The following TBC1D1 variants were observed in gnomAD, a reference collection of about 807,000 sequenced individuals.
TBC1D1 encodes the protein TBC1 domain family member 1.
TBC1D1 carries 89 observed loss-of-function variants against 125.6 expected under a neutral mutation model. That is an observed-to-expected ratio of 0.71 (90% CI 0.60 to 0.85). TBC1D1 has a LOEUF of 0.85. TBC1D1 is among the 40% of genes least tolerant of loss of function. TBC1D1 has a pLI of 0.00. For missense variants in TBC1D1, 1,377 were observed against 1,469.2 expected (o/e 0.94, Z 1.03); for synonymous variants, 565 against 564.1 (o/e 1.00, Z -0.02).
intron 18 of TBC1D1, among the ~76,000 whole-genome samples, chr4:38,127,229 G>A (rs764483515): frequency 6.6e-6 from 1 of 152,108 alleles, no homozygotes; most frequent in East Asian, 1.9e-4. Flanking sequence ...AAAATAAAAC[G>A]TATTGAGAAT....
intron 6 of TBC1D1, among the ~76,000 whole-genome samples, chr4:38,022,224 A>G (rs1744197018): frequency 6.6e-6 from 1 of 152,182 alleles, no homozygotes; most frequent in South Asian, 2.1e-4. Context: ...AGTATTGACC[A>G]GTATTTCTAG....
intron 8 of TBC1D1, among the ~76,000 whole-genome samples, chr4:38,038,870 C>T (rs1021700532): frequency 6.6e-5 from 10 of 151,088 alleles, no homozygotes; most frequent in African/African-American, 1.2e-4. Flanking sequence ...GGCATGAACC[C>T]GGGAAGCGGA....
In TBC1D1 at chr4:38,014,030, A is replaced by C. The variant is rs1742076349; in HGVS notation, c.418-479A>C. Among the ~76,000 whole-genome samples the C allele has an allele frequency of 6.6e-6, 1 of 152,234 alleles. No homozygotes were observed. Among genetic ancestry groups the C allele is most frequent in the Non-Finnish European group, 1.5e-5 (1 of 68,048 alleles). On this transcript the variant is annotated intron_variant, in intron 2 of 19. Coordinates refer to ENST00000261439, the MANE Select transcript of TBC1D1 (RefSeq NM_015173.4). The surrounding 1 kb of genome is among the most constrained non-coding windows in gnomAD (Gnocchi z 5.1). ...TCTTCATCCCACCATTTATTAAAGAAGACTTTCCAAAGTATACTGCCATGA... is the reference window on the plus strand; with the variant it reads ...TCTTCATCCCACCATTTATTAAAGACGACTTTCCAAAGTATACTGCCATGA...
chr4:38,039,104 CTTTTTTTT>C (rs776941680), intron 8 of TBC1D1, among the ~76,000 whole-genome samples: 372 of 51,404 alleles, frequency 7.2e-3, no homozygotes, highest in Non-Finnish European at 0.011. Context: ...GCATCATACT[CTTTTTTTT>C]TTTTTTTTTT....
At chr4:37,910,439 G>T (rs1718340324) in intron 2 of TBC1D1, among the ~76,000 whole-genome samples, 1 of 152,110 alleles carries the variant, frequency 6.6e-6, no homozygotes, top group Non-Finnish European at 1.5e-5. Context: ...TTTTTATAAT[G>T]ATTACATGTT....
chr4:38,089,894 G>A (rs1312592231), intron 12 of TBC1D1, 38 bp from the exon 15 acceptor site: 2 of 1,527,698 alleles, frequency 1.3e-6, no homozygotes, highest in Admixed American at 4.6e-5. Context: ...ATTTTTTGTT[G>A]AAAAATGACA....
At chr4:38,117,933 C>A in intron 16 of TBC1D1, 100 bp from the exon 19 acceptor site, 1 of 1,067,034 alleles carries the variant, frequency 9.4e-7, no homozygotes. Flanking sequence ...GTTTAAAGTT[C>A]TAGTAAGTCT....
intron 2 of TBC1D1, among the ~76,000 whole-genome samples, chr4:37,994,008 G>C (rs530902815): frequency 2.0e-5 from 3 of 152,344 alleles, no homozygotes; most frequent in South Asian, 2.1e-4. Context: ...ATCTGATCTC[G>C]TGAAAATGAA....
intron 2 of TBC1D1, among the ~76,000 whole-genome samples, chr4:37,929,453 T>C (rs58503141): frequency 0.1 from 15,283 of 152,220 alleles, 989 homozygotes; most frequent in Admixed American, 0.18. Flanking sequence ...AGAATGCAAG[T>C]TCCTTAACCC....
intron 14 of TBC1D1, among the ~76,000 whole-genome samples, chr4:38,102,215 C>T (rs1422304092): frequency 6.6e-6 from 1 of 151,220 alleles, no homozygotes; most frequent in African/African-American, 2.5e-5. Flanking sequence ...GCACGTTGTG[C>T]ACATGTACCC....
At chr4:37,897,601 G>A (rs2152213404) in intron 1 of TBC1D1, among the ~76,000 whole-genome samples, 1 of 152,320 alleles carries the variant, frequency 6.6e-6, no homozygotes, top group East Asian at 1.9e-4. Flanking sequence ...TTAAATGACT[G>A]AATTTTTGGT....
intron 2 of TBC1D1, among the ~76,000 whole-genome samples, chr4:37,912,274 C>T (rs1439159933): frequency 1.3e-5 from 2 of 152,148 alleles, no homozygotes; most frequent in Admixed American, 6.5e-5. Context: ...ATGGGACATT[C>T]GAGTGGGTTT....
intron 2 of TBC1D1, among the ~76,000 whole-genome samples, chr4:37,992,317 A>G (rs1296825235): frequency 5.3e-5 from 8 of 152,166 alleles, no homozygotes; most frequent in Non-Finnish European, 1.0e-4. Context: ...ATACACCCAA[A>G]GAGCTGAGGG....
At chr4:38,061,921 C>T (rs986798069) in intron 12 of TBC1D1, among the ~76,000 whole-genome samples, 1 of 151,980 alleles carries the variant, frequency 6.6e-6, no homozygotes, top group Non-Finnish European at 1.5e-5. Flanking sequence ...TACGTACCAG[C>T]AGGAAATTTT....
intron 18 of TBC1D1, among the ~76,000 whole-genome samples, chr4:38,128,048 C>T (rs1242458158): frequency 3.3e-5 from 5 of 152,092 alleles, no homozygotes; most frequent in African/African-American, 1.2e-4. Context: ...AACTGTGCAG[C>T]GTGATGGGCT....
At chr4:37,989,481 C>T (rs1334496490) in intron 2 of TBC1D1, among the ~76,000 whole-genome samples, 1 of 152,224 alleles carries the variant, frequency 6.6e-6, no homozygotes, top group Non-Finnish European at 1.5e-5. Flanking sequence ...CCACCTTGAG[C>T]ACGTGTTCTC....
intron 2 of TBC1D1, among the ~76,000 whole-genome samples, chr4:37,903,844 G>A (rs546868536): frequency 3.0e-4 from 46 of 152,304 alleles, no homozygotes; most frequent in South Asian, 2.1e-3. Context: ...ACTGAGAAGG[G>A]AGCCTAACAC....
At chr4:38,090,662 G>C (rs1340745749) in intron 13 of TBC1D1, among the ~76,000 whole-genome samples, 1 of 152,136 alleles carries the variant, frequency 6.6e-6, no homozygotes. Flanking sequence ...TTCATTTCCT[G>C]TTTCCATGCT....
intron 2 of TBC1D1, among the ~76,000 whole-genome samples, chr4:37,983,507 TC>T (rs1282074192): frequency 3.3e-5 from 5 of 152,200 alleles, no homozygotes; most frequent in Admixed American, 6.5e-5. Flanking sequence ...TTCCCTTTTT[TC>T]TTTAAATATA....
Sources: allele counts gnomAD v4.1 joint callset (sites outside exome capture counted in the v4.1 genomes callset), GRCh38; gene constraint gnomAD v4.1.1; non-coding constraint Gnocchi (gnomAD v3.1); transcripts MANE v1.5; gene names NCBI Gene and HGNC (gene_info 2026-07-23, HGNC 2026-07-21).